GABRA2: variants seen among roughly 807,000 people sequenced by gnomAD.
GABRA2 encodes the protein gamma-aminobutyric acid type A receptor subunit alpha2, also known as gamma-aminobutyric acid receptor subunit alpha-2.
In GABRA2, 16 loss-of-function variants were observed where a neutral mutation model predicts 48.7. The observed-to-expected ratio is 0.33, with a 90% confidence interval of 0.22 to 0.50. The LOEUF is 0.50. Ranked by LOEUF, GABRA2 falls within the 20% of genes least tolerant of loss-of-function variation. The pLI is 0.98. For synonymous variants in GABRA2, 185 were observed against 184.5 expected (o/e 1.00, Z -0.02); for missense variants, 275 against 535.6 (o/e 0.51, Z 4.80).
At chr4:46,371,392 T>A (rs1714867189) in intron 3 of GABRA2, among the ~76,000 whole-genome samples, 1 of 152,148 alleles carries the variant, frequency 6.6e-6, no homozygotes, top group Non-Finnish European at 1.5e-5. Flanking sequence ...TTTACCATAA[T>A]ACCAAATTCA....
At chr4:46,350,397 A>G (rs934971721) in intron 3 of GABRA2, among the ~76,000 whole-genome samples, 24 of 151,934 alleles carry the variant, frequency 1.6e-4, no homozygotes, top group African/African-American at 5.3e-4. Flanking sequence ...TTATGAAAAC[A>G]TAGCAACATT....
intron 3 of GABRA2, among the ~76,000 whole-genome samples, chr4:46,371,958 G>A (rs1714963612): frequency 6.6e-6 from 1 of 152,164 alleles, no homozygotes; most frequent in Non-Finnish European, 1.5e-5. Flanking sequence ...GCTGCACAAA[G>A]TGTGGCGCAC....
intron 8 of GABRA2, among the ~76,000 whole-genome samples, chr4:46,273,512 T>C (rs1363341188): frequency 3.1e-5 from 1 of 32,268 alleles, no homozygotes; most frequent in African/African-American, 1.1e-4. Flanking sequence ...CATATATATA[T>C]ATATATATAT....
At chr4:46,303,335 G>A in intron 8 of GABRA2, 125 bp downstream of exon 8, 1 of 892,710 alleles carries the variant, frequency 1.1e-6, no homozygotes, top group Non-Finnish European at 1.8e-6. Context: ...TCACCTATAA[G>A]GCAAAAACAA....
chr4:46,361,042 CAG>C (rs1444794215), intron 3 of GABRA2, among the ~76,000 whole-genome samples: 1 of 152,076 alleles, frequency 6.6e-6, no homozygotes, highest in Non-Finnish European at 1.5e-5. Context: ...AAAATGAAAA[CAG>C]AGCATAAAAG....
At chr4:46,294,341 T>C (rs1439800933) in intron 8 of GABRA2, among the ~76,000 whole-genome samples, 2 of 152,066 alleles carry the variant, frequency 1.3e-5, no homozygotes, top group African/African-American at 4.8e-5. Context: ...TTTCTAGGGG[T>C]CCAGTATTTT....
chr4:46,386,017 C>T, intron 3 of GABRA2, 57 bp downstream of exon 3: 1 of 1,003,076 alleles, frequency 1.0e-6, no homozygotes, highest in Non-Finnish European at 1.6e-6. Flanking sequence ...GAATATTACC[C>T]TTAACTTTTA....
chr4:46,305,803 A>G, intron 6 of GABRA2, 92 bp from the exon 7 acceptor site: 1 of 860,666 alleles, frequency 1.2e-6, no homozygotes, highest in Non-Finnish European at 1.8e-6. Context: ...TACAATCACT[A>G]TATACTTTCA....
intron 8 of GABRA2, among the ~76,000 whole-genome samples, chr4:46,291,971 A>C (rs2109541803): frequency 6.6e-6 from 1 of 152,172 alleles, no homozygotes; most frequent in East Asian, 1.9e-4. Context: ...ATTAGACCTC[A>C]AAATGCTGAG....
At chr4:46,318,121 A>G (rs1728849898) in intron 4 of GABRA2, among the ~76,000 whole-genome samples, 1 of 151,596 alleles carries the variant, frequency 6.6e-6, no homozygotes, top group African/African-American at 2.4e-5. Context: ...GCTGCAACAT[A>G]ATCTATTTAA....
chr4:46,277,283 T>C (rs549892055), intron 8 of GABRA2, among the ~76,000 whole-genome samples: 2 of 152,288 alleles, frequency 1.3e-5, no homozygotes, highest in South Asian at 2.1e-4. Context: ...GATGAGACTC[T>C]GACAACAGCA....
chr4:46,377,392 G>A (rs1262250842), intron 3 of GABRA2, among the ~76,000 whole-genome samples: 5 of 150,124 alleles, frequency 3.3e-5, no homozygotes, highest in South Asian at 2.1e-4. Flanking sequence ...CTGCCGCCCC[G>A]TCCGGGATGT....
At chr4:46,355,183 C>A (rs1467481136) in intron 3 of GABRA2, among the ~76,000 whole-genome samples, 2 of 152,098 alleles carry the variant, frequency 1.3e-5, no homozygotes, top group Admixed American at 6.6e-5. Context: ...ATCCCAATGT[C>A]TTACTTTATT....
chr4:46,370,379 A>C (rs1016243856), intron 3 of GABRA2, among the ~76,000 whole-genome samples: 1 of 152,038 alleles, frequency 6.6e-6, no homozygotes, highest in African/African-American at 2.4e-5. Flanking sequence ...AAAACTGATA[A>C]AGAACAGTAG....
intron 8 of GABRA2, among the ~76,000 whole-genome samples, chr4:46,277,301 G>C (rs960299040): frequency 1.3e-5 from 2 of 152,122 alleles, no homozygotes; most frequent in African/African-American, 4.8e-5. Flanking sequence ...GCAGGGAGGA[G>C]GGCTGCTGGT....
chr4:46,281,124 C>G (rs1246374880), intron 8 of GABRA2, among the ~76,000 whole-genome samples: 2 of 152,086 alleles, frequency 1.3e-5, no homozygotes, highest in Non-Finnish European at 2.9e-5. Context: ...GTGGTTCAGT[C>G]TAGGGTATGA....
In GABRA2 at chr4:46,265,508, T is replaced by C. The variant is rs187423426; in HGVS notation, c.857-3380A>G. Reference sequence around the variant, plus strand: ...ATATTATATATATATATATATGTTTTCTCTATGGTCAGAAGTGATGTCCCA... The same window carrying C: ...ATATTATATATATATATATATGTTTCCTCTATGGTCAGAAGTGATGTCCCA... On this transcript the variant is annotated intron_variant, in intron 8 of 9. Coordinates refer to ENST00000381620, the MANE Select transcript of GABRA2 (RefSeq NM_000807.4). Among the ~76,000 whole-genome samples the C allele has an allele frequency of 1.8e-3, 245 of 136,958 alleles. 3 individuals are homozygous for C. Among genetic ancestry groups the C allele is most frequent in the African/African-American group, 7.7e-3 (235 of 30,510 alleles). The allele number at this position is 136,958 out of a possible 152,430, so 89.8% of individuals were successfully genotyped here.
intron 9 of GABRA2, among the ~76,000 whole-genome samples, chr4:46,257,175 A>C (rs956078231): frequency 2.6e-5 from 4 of 151,720 alleles, no homozygotes; most frequent in African/African-American, 9.7e-5. Flanking sequence ...AGATGTTGTA[A>C]AAATAATTTG....
chr4:46,371,964 C>T (rs564141881), intron 3 of GABRA2, among the ~76,000 whole-genome samples: 7 of 152,242 alleles, frequency 4.6e-5, no homozygotes, highest in East Asian at 1.9e-4. Flanking sequence ...CAAAGTGTGG[C>T]GCACAGAACA....
Sources: allele counts gnomAD v4.1 joint callset (sites outside exome capture counted in the v4.1 genomes callset), GRCh38; gene constraint gnomAD v4.1.1; transcripts MANE v1.5; gene names NCBI Gene and HGNC (gene_info 2026-07-23, HGNC 2026-07-21).